Variants in C1orf141 observed in about 807,000 individuals in gnomAD.
C1orf141 encodes chromosome 1 open reading frame 141.
In C1orf141, 19 loss-of-function variants were observed where a neutral mutation model predicts 23.2. The observed-to-expected ratio is 0.82, with a 90% CI of 0.57 to 1.20. The LOEUF (loss-of-function observed/expected upper bound fraction) is 1.20. Ranked by LOEUF, C1orf141 falls within the 50% of genes most tolerant of loss-of-function variation. The probability of loss-of-function intolerance (pLI) is 0.00; values close to 1 mark genes in which losing one functional copy is unlikely to be tolerated. For missense variants in C1orf141, 469 were observed against 455.1 expected (o/e 1.03, Z -0.28); for synonymous variants, 153 against 154.6 (o/e 0.99, Z 0.08).
intron 5 of C1orf141, among the ~76,000 whole-genome samples, chr1:67,109,921 G>C (rs552605319): frequency 2.0e-5 from 3 of 152,000 alleles, no homozygotes; most frequent in African/African-American, 4.8e-5. Context: ...TTTAGTAATA[G>C]ATAGAGAAAA....
intron 1 of C1orf141, among the ~76,000 whole-genome samples, chr1:67,132,300 A>T (rs1349159709): frequency 6.6e-6 from 1 of 151,968 alleles, no homozygotes; most frequent in African/African-American, 2.4e-5. Flanking sequence ...CAGGTGGATC[A>T]CTTCAAGTCA....
chr1:67,134,728 C>T (rs937976440), intron 1 of C1orf141, among the ~76,000 whole-genome samples: 1 of 152,184 alleles, frequency 6.6e-6, no homozygotes, highest in Non-Finnish European at 1.5e-5. Context: ...GAAGAGCCCC[C>T]CGGGCTCGCC....
rs573021504 is a variant in C1orf141, at chr1:67,106,976, G to A, written c.346+8376C>T. Among the ~76,000 whole-genome samples the A allele has an allele frequency of 2.0e-5, 3 of 152,284 alleles. No individual in the cohort carries two copies. The East Asian group carries it at 5.8e-4, about 29-fold the overall frequency. On this transcript the variant is annotated intron_variant, in intron 5 of 7. Transcript: ENST00000684719. ...TGACATGTTTAATAAGAGCCTCAGA[G>A]GGAGACTCTTGTCCCCTTTACTTTC...
chr1:67,139,049 T>A (rs1281297812), upstream of C1orf141: 1 of 152,240 alleles, frequency 6.6e-6, no homozygotes, highest in Non-Finnish European at 1.5e-5. Context: ...AAGAGTGGAG[T>A]CAATCCAGGG....
Position 67,092,892 on chromosome 1 carries a change from G to A in C1orf141, c.*113C>T, listed in dbSNP as rs1441387205. ...CTTATAATTCTAATGTCTATGCTTT[G>A]CTTTCTTATATGATCAATTAGAACA... On this transcript the variant is annotated 3_prime_UTR_variant, in exon 8 of 8. Coordinates refer to ENST00000684719, the MANE Select transcript of C1orf141 (RefSeq NM_001276351.2). 7.4e-6 allele frequency: 6 copies of A among 809,372 alleles called. No individual in the cohort carries two copies. Among genetic ancestry groups the A allele is most frequent in the Non-Finnish European group, 1.2e-5 (6 of 519,062 alleles). The allele number at this position is 809,372 out of a possible 1,614,324, so 50.1% of individuals were successfully genotyped here. A position where few individuals can be genotyped will look rare whatever the true frequency, so the allele number is the denominator to read the frequency against.
At chr1:67,106,639 C>G (rs1284061099) in intron 5 of C1orf141, among the ~76,000 whole-genome samples, 3 of 152,124 alleles carry the variant, frequency 2.0e-5, no homozygotes, top group African/African-American at 7.2e-5. Flanking sequence ...GCCTGGGTGA[C>G]AGAGCACGAC....
intron 1 of C1orf141, among the ~76,000 whole-genome samples, chr1:67,140,484 T>A (rs1479118027): frequency 6.6e-6 from 1 of 152,152 alleles, no homozygotes. Context: ...ATAGTCGAAG[T>A]CATGTACATT....
intron 5 of C1orf141, chr1:67,111,606 G>T (rs1021731966): frequency 1.4e-6 from 2 of 1,379,320 alleles, no homozygotes; most frequent in Admixed American, 2.6e-5. Context: ...TAAAGATAGG[G>T]TCTAATAGAT....
chr1:67,095,482 G>T, intron 6 of C1orf141, 61 bp from the exon 7 acceptor site: 1 of 959,026 alleles, frequency 1.0e-6, no homozygotes, highest in Middle Eastern at 3.4e-4. Context: ...GTCAGTTCTT[G>T]TCTGCCTCCT....
chr1:67,098,818 G>A (rs1645741152), intron 5 of C1orf141, among the ~76,000 whole-genome samples: 1 of 151,594 alleles, frequency 6.6e-6, no homozygotes, highest in African/African-American at 2.4e-5. Context: ...AACAGACTAA[G>A]GTAAAAATAA....
chr1:67,127,276 G>A lies in C1orf141; in HGVS notation c.-17-19C>T, dbSNP rs1333001142. On this transcript the variant is annotated intron_variant, in intron 2 of 7. Coordinates refer to ENST00000684719, the MANE Select transcript of C1orf141 (RefSeq NM_001276351.2). The stretch of plus-strand genomic sequence containing the variant: ...TAAATTCCTATTTTAAAATAAGGAG[G>A]AAGAAGAACAAATCAATTCAAATTT... The A allele has an allele frequency of 1.5e-6, 2 of 1,366,978 alleles. No homozygotes were observed. The highest frequency in any genetic ancestry group is 2.1e-6 in the Non-Finnish European group (2 of 968,768). The allele number at this position is 1,366,978 out of a possible 1,614,324, so 84.7% of individuals were successfully genotyped here. A position where few individuals can be genotyped will look rare whatever the true frequency, so the allele number is the denominator to read the frequency against.
chr1:67,135,379 A>C (rs1374331114), upstream of C1orf141, among the ~76,000 whole-genome samples: 1 of 151,772 alleles, frequency 6.6e-6, no homozygotes, highest in Non-Finnish European at 1.5e-5. Context: ...GATTGCTTTC[A>C]TGGCTTATGA....
chr1:67,097,841 TCA>T (rs1404602803), intron 5 of C1orf141, among the ~76,000 whole-genome samples: 1 of 152,148 alleles, frequency 6.6e-6, no homozygotes, highest in East Asian at 1.9e-4. Flanking sequence ...ATCGTTGGCT[TCA>T]GTTTCTACTT....
intron 4 of C1orf141, among the ~76,000 whole-genome samples, chr1:67,119,169 T>G (rs949454756): frequency 6.6e-6 from 1 of 152,198 alleles, no homozygotes; most frequent in Non-Finnish European, 1.5e-5. Context: ...GCTTCCATTT[T>G]CTTAGAGACT....
chr1:67,115,880 C>T (rs1646184049), intron 4 of C1orf141, among the ~76,000 whole-genome samples: 1 of 152,174 alleles, frequency 6.6e-6, no homozygotes, highest in Non-Finnish European at 1.5e-5. Flanking sequence ...GACAAATTAT[C>T]CTCCTCTAAA....
At chr1:67,128,862 T>C (rs1003717650) in intron 2 of C1orf141, among the ~76,000 whole-genome samples, 1 of 152,126 alleles carries the variant, frequency 6.6e-6, no homozygotes, top group Non-Finnish European at 1.5e-5. Flanking sequence ...AATACTAAGG[T>C]TCTTTCCAGC....
At chr1:67,107,481 G>A (rs1645956009) in intron 5 of C1orf141, among the ~76,000 whole-genome samples, 1 of 152,132 alleles carries the variant, frequency 6.6e-6, no homozygotes, top group Admixed American at 6.6e-5. Context: ...TCAAGTATAT[G>A]CTGTATATAA....
At chr1:67,133,784 A>G (rs532483625) in intron 1 of C1orf141, among the ~76,000 whole-genome samples, 1 of 152,270 alleles carries the variant, frequency 6.6e-6, no homozygotes, top group Admixed American at 6.5e-5. Context: ...CAAGCCAAGG[A>G]GCGAGGCCTC....
intron 1 of C1orf141, among the ~76,000 whole-genome samples, chr1:67,132,085 A>G (rs779605752): frequency 1.3e-5 from 2 of 151,340 alleles, no homozygotes; most frequent in African/African-American, 4.9e-5. Flanking sequence ...TACCTCTTCT[A>G]TGAAACTTTC....
Sources: gnomAD v4.1 joint callset for allele counts (sites outside exome capture counted in the v4.1 genomes callset) on GRCh38, gnomAD v4.1.1 for gene constraint, MANE v1.5 for transcripts, NCBI Gene and HGNC (gene_info 2026-07-23, HGNC 2026-07-21) for gene names.